TUT7: variants seen among roughly 807,000 people sequenced by gnomAD.
TUT7 encodes the protein terminal uridylyltransferase 7.
TUT7 carries 33 observed loss-of-function variants against 165.9 expected under a neutral mutation model. The ratio of observed to expected loss-of-function variants is 0.20; its 90% CI spans 0.15 to 0.27. TUT7 has a LOEUF of 0.27. Among genes scored for constraint, TUT7 ranks in the 10% least tolerant of loss-of-function variants. TUT7 has a pLI of 1.00. For synonymous variants in TUT7, 552 were observed against 608.1 expected (o/e 0.91, Z 1.36); for missense variants, 1,338 against 1,762.3 (o/e 0.76, Z 4.31).
Position 86,346,408 on chromosome 9 carries a change from T to A in TUT7, c.593A>T (p.Asp198Val). 6.2e-7 allele frequency: 1 copy of A among 1,614,116 alleles called. No individual in the cohort carries two copies. Among genetic ancestry groups the A allele is most frequent in the Non-Finnish European group, 8.5e-7 (1 of 1,179,990 alleles). Residue 198 changes from aspartate to valine, a missense_variant, in exon 3 of 27, where the codon GAC (aspartate) becomes GTC (valine). Asp to Val is a radical substitution (Grantham distance 152). Around this residue, in one of 7 missense-constraint regions of TUT7, gnomAD observed 434 missense variants for 480.8 expected, o/e 0.90. Coordinates refer to ENST00000375963, the MANE Select transcript of TUT7 (RefSeq NM_024617.4). ...CTCATCGATCACAGGGCCTTCCAAG[T>A]CTCCATCCTGCTCATTTTCCTCATT... ...TRNEENEQDG[D>V]LEGPVIDESV...
At chr9:86,334,356 A>G (rs1459587566) in intron 10 of TUT7, among the ~76,000 whole-genome samples, 2 of 152,198 alleles carry the variant, frequency 1.3e-5, no homozygotes, top group African/African-American at 2.4e-5. Flanking sequence ...TAACTCACAC[A>G]AAAGTCTGAG....
chr9:86,341,202 CAT>C, intron 6 of TUT7, 149 bp from the exon 7 acceptor site: 1 of 678,590 alleles, frequency 1.5e-6, no homozygotes. Flanking sequence ...ATGTTGTTTG[CAT>C]ATGTCAGTCA....
rs370648859 is a variant in TUT7 at position 86,311,589 on chromosome 9, T to C, written c.3275-780A>G. 4.7e-5 allele frequency among the ~76,000 whole-genome samples: 7 copies of C among 149,970 alleles called. No individual in the cohort carries two copies. The highest frequency in any genetic ancestry group is 8.9e-5 in the Non-Finnish European group (6 of 67,534). On this transcript the variant is annotated intron_variant, in intron 17 of 26. Transcript: ENST00000375963. This position sits in a 1 kb window ranked among gnomAD's most constrained non-coding sequence, Gnocchi z 4.4. Reference sequence around the variant, plus strand: ...TCCTCTCCCTCTCCCTCTCCCCTCTTCCCTCTCCCCTCTCCCCACGGTCTC... The same window carrying C: ...TCCTCTCCCTCTCCCTCTCCCCTCTCCCCTCTCCCCTCTCCCCACGGTCTC...
chr9:86,297,086 T>C lies in TUT7; in HGVS notation c.4420+4190A>G, dbSNP rs150233703. Among the ~76,000 whole-genome samples, 391 of 152,288 alleles carry C rather than the reference T, an allele frequency of 2.6e-3. 1 individual carries two copies. The highest frequency in any genetic ancestry group is 9.1e-3 in the African/African-American group (377 of 41,562). On this transcript the variant is annotated intron_variant, in intron 26 of 26. Transcript: ENST00000375963. The stretch of plus-strand genomic sequence containing the variant: ...CTCAAAAGATTTATAAATATGTAGG[T>C]TTTTTACTAAGAAGATAATTACAGA...
chr9:86,330,126 C>T (rs747215885), intron 10 of TUT7, among the ~76,000 whole-genome samples: 7 of 152,068 alleles, frequency 4.6e-5, no homozygotes, highest in Non-Finnish European at 1.0e-4. Flanking sequence ...GGCATGATCT[C>T]GGCTCACTGC....
At chr9:86,316,737 T>C (rs1215611755) in intron 17 of TUT7, among the ~76,000 whole-genome samples, 1 of 152,180 alleles carries the variant, frequency 6.6e-6, no homozygotes. Context: ...TAAAAAGACA[T>C]TAATATTGCA....
Position 86,345,692 on chromosome 9 carries a change from T to G in TUT7, c.796A>C (p.Lys266Gln). 6.2e-7 allele frequency: 1 copy of G among 1,613,128 alleles called. No individual in the cohort carries two copies. Among genetic ancestry groups the G allele is most frequent in the East Asian group, 2.2e-5 (1 of 44,862 alleles). ...ACCTTAATGTTTTTCTTGTGCCTCT[T>G]TTCCTTGATATGCTTATGGGCAAAT... ...IAFAHKHIKE[K>Q]RHKKNIKEKQ... The change falls in exon 4 of 27, where the codon AAG (lysine) becomes CAG (glutamine). Residue 266 changes from lysine (K) to glutamine (Q), a missense_variant. Physicochemically the swap from Lys to Gln is moderately conservative, Grantham distance 53 (BLOSUM62 1). This residue lies in a region of TUT7 where 434 missense variants were observed against 480.8 expected (regional missense o/e 0.90). Coordinates refer to ENST00000375963, the MANE Select transcript of TUT7 (RefSeq NM_024617.4).
intron 22 of TUT7, 148 bp from the exon 23 acceptor site, chr9:86,305,387 T>C: frequency 1.7e-6 from 1 of 596,748 alleles, no homozygotes; most frequent in South Asian, 2.4e-5. Context: ...AGAAAAGAAG[T>C]GCAAAAAAAA....
chr9:86,296,454 G>C (rs563351771), intron 26 of TUT7, among the ~76,000 whole-genome samples: 1 of 152,274 alleles, frequency 6.6e-6, no homozygotes, highest in Non-Finnish European at 1.5e-5. Context: ...GGGGAGGGAG[G>C]TAACAACGAA....
In TUT7 at chr9:86,352,873, A is replaced by C; in HGVS notation, c.327T>G (p.Asn109Lys). 6.2e-7 allele frequency: 1 copy of C among 1,614,184 alleles called. No individual in the cohort carries two copies. Among genetic ancestry groups the C allele is most frequent in the Non-Finnish European group, 8.5e-7 (1 of 1,180,028 alleles). Residue 109 changes from asparagine to lysine, a missense_variant, in exon 2 of 27, where the codon AAT becomes AAG. Transcript: ENST00000375963. ...GTTTGAATTCTCTCCAGTTGTCTGA[A>C]TTACCAGTATGTTCATCAGACAGCC... ...KRWLSDEHTGNSDNWREFKPG... is the reference protein window; with the variant it reads ...KRWLSDEHTGKSDNWREFKPG...
chr9:86,301,188 A>C, intron 26 of TUT7, 88 bp downstream of exon 26: 2 of 1,177,444 alleles, frequency 1.7e-6, no homozygotes. Context: ...ATAAAGAAAT[A>C]AAGATAACTA....
intron 26 of TUT7, among the ~76,000 whole-genome samples, chr9:86,292,005 A>C (rs1825938594): frequency 6.6e-6 from 1 of 152,220 alleles, no homozygotes; most frequent in South Asian, 2.1e-4. Context: ...GTAAAGAAAA[A>C]AACCCAAATA....
In TUT7 at chr9:86,325,224, G is replaced by T. The variant is rs1829683819; in HGVS notation, c.1789+110C>A. On this transcript the variant is annotated intron_variant, in intron 12 of 26. Coordinates refer to ENST00000375963, the MANE Select transcript of TUT7 (RefSeq NM_024617.4). Reference sequence around the variant, plus strand: ...ACTATTTATTTCCCTTTGAGGGCAGGCCTACCTTACTTGTAGGAGCTGAAA... The same window carrying T: ...ACTATTTATTTCCCTTTGAGGGCAGTCCTACCTTACTTGTAGGAGCTGAAA... 8 of 992,802 alleles carry T rather than the reference G, an allele frequency of 8.1e-6. No homozygotes were observed. In the Admixed American group the frequency reaches 1.4e-4, roughly 17 times the overall value. 61.5% of individuals were successfully genotyped at this position (992,802 alleles called of 1,614,324 possible).
At position 86,346,436 on chromosome 9, in the gene TUT7, T is replaced by C. The variant is rs1280824907; in HGVS notation, c.565A>G (p.Arg189Gly). 1 of 1,613,994 alleles carries C rather than the reference T, an allele frequency of 6.2e-7. No homozygotes were observed. The highest frequency in any genetic ancestry group is 8.5e-7 in the Non-Finnish European group (1 of 1,179,972). ...RSRPRKPRKT[R>G]NEENEQDGDL... ...CCATCCTGCTCATTTTCCTCATTTC[T>C]AGTCTTCCGTGGCTTCCTAGGTCTG... Residue 189 changes from arginine (R) to glycine (G), a missense_variant, in exon 3 of 27, where the codon AGA becomes GGA. Coordinates refer to ENST00000375963, the MANE Select transcript of TUT7 (RefSeq NM_024617.4).
intron 25 of TUT7, among the ~76,000 whole-genome samples, chr9:86,302,088 T>C: frequency 6.6e-6 from 1 of 152,056 alleles, no homozygotes. Flanking sequence ...TTTTGAGTAA[T>C]GAAAAAAAGG....
At chr9:86,312,206 G>T (rs1422564423) in intron 17 of TUT7, among the ~76,000 whole-genome samples, 2 of 151,494 alleles carry the variant, frequency 1.3e-5, no homozygotes, top group African/African-American at 4.9e-5. Context: ...ATCCCATCTA[G>T]GAAGTGAGGA....
At chr9:86,322,254 A>G (rs1829376160) in intron 14 of TUT7, 71 bp downstream of exon 14, 16 of 1,418,328 alleles carry the variant, frequency 1.1e-5, no homozygotes, top group Middle Eastern at 3.8e-4. Flanking sequence ...TAAATAGGAT[A>G]GTGATTCTAA....
rs1207475810 is a variant in TUT7 at position 86,311,490 on chromosome 9, G to A, written c.3275-681C>T. 6.6e-6 allele frequency among the ~76,000 whole-genome samples: 1 copy of A among 152,052 alleles called. No individual in the cohort carries two copies. Among genetic ancestry groups the A allele is most frequent in the East Asian group, 1.9e-4 (1 of 5,180 alleles). On this transcript the variant is annotated intron_variant, in intron 17 of 26. Transcript: ENST00000375963. The surrounding 1 kb of genome is among the most constrained non-coding windows in gnomAD (Gnocchi z 4.4). ...TGAACTTGAGGGAATGGAATATGAG[G>A]CATAGGAGATGGTGGAGAAACTGGG...
intron 10 of TUT7, among the ~76,000 whole-genome samples, chr9:86,331,935 G>A (rs138959638): frequency 6.6e-6 from 1 of 151,992 alleles, no homozygotes; most frequent in Admixed American, 6.6e-5. Flanking sequence ...AAAAAGTTTG[G>A]GTAAAGGGCA....
Sources: allele counts gnomAD v4.1 joint callset (sites outside exome capture counted in the v4.1 genomes callset), GRCh38; gene constraint gnomAD v4.1.1; regional missense constraint gnomAD v4.1.1; non-coding constraint Gnocchi (gnomAD v3.1); transcripts MANE v1.5; gene names NCBI Gene and HGNC (gene_info 2026-07-23, HGNC 2026-07-21).